HEMK1: variants seen among roughly 807,000 people sequenced by gnomAD.
HEMK1 encodes the protein MTRF1L release factor glutamine methyltransferase.
Under a neutral mutation model 47.9 loss-of-function variants are expected in HEMK1, and 36 were observed. The observed-to-expected ratio is 0.75, with a 90% CI of 0.58 to 0.99. HEMK1 has a LOEUF of 0.99. HEMK1 is among the 50% of genes least tolerant of loss of function. HEMK1 has a pLI of 0.00. For synonymous variants in HEMK1, 153 were observed against 165.4 expected (o/e 0.93, Z 0.57); for missense variants, 383 against 434.5 (o/e 0.88, Z 1.05).
In HEMK1 at chr3:50,592,390, C is replaced by A. The variant is rs1388976350; in HGVS notation, c.*11973C>A. 16 of 152,198 alleles carry A rather than the reference C, an allele frequency of 1.1e-4. No individual in the cohort carries two copies. The highest frequency in any genetic ancestry group is 1.0e-3 in the Admixed American group (16 of 15,288). 9.4% of individuals were successfully genotyped at this position (152,198 alleles called of 1,614,324 possible). On this transcript the variant is annotated 3_prime_UTR_variant, in exon 11 of 11. Coordinates refer to ENST00000232854, the MANE Select transcript of HEMK1 (RefSeq NM_016173.5). ...AACCCCAGGATTTCCAATACCGGTG[C>A]TTTGCTTAGCTGTACTGGGCACCTG...
intron 2 of HEMK1, 135 bp from the exon 3 acceptor site, chr3:50,571,575 C>A: frequency 1.2e-6 from 1 of 856,980 alleles, no homozygotes; most frequent in Non-Finnish European, 2.0e-6. Context: ...AGGCAGGATG[C>A]TGCCCCCTCT....
At chr3:50,577,436 TCCCCCAGG>T (rs1701704923) in intron 5 of HEMK1, 65 bp from the exon 6 acceptor site, 16 of 1,445,512 alleles carry the variant, frequency 1.1e-5, no homozygotes, top group Non-Finnish European at 1.6e-5. Context: ...TGGAGGAGGG[TCCCCCAGG>T]CCCAGTATCT....
In HEMK1 at chr3:50,594,842, C is replaced by G. The variant is rs750407920; in HGVS notation, c.*14425C>G. The G allele has an allele frequency of 1.3e-5, 2 of 152,132 alleles. No homozygotes were observed. The highest frequency in any genetic ancestry group is 2.4e-5 in the African/African-American group (1 of 41,442). The allele number at this position is 152,132 out of a possible 1,614,324, so 9.4% of individuals were successfully genotyped here. ...ACCTCCTTTGGCTTCCTTTCCTTCC[C>G]TGTCTCACCCCCTCTCCCATTTTAT... On this transcript the variant is annotated 3_prime_UTR_variant, in exon 11 of 11. Coordinates refer to ENST00000232854, the MANE Select transcript of HEMK1 (RefSeq NM_016173.5).
chr3:50,593,733 C>G lies in HEMK1; in HGVS notation c.*13316C>G, dbSNP rs2031834816. Reference sequence around the variant, plus strand: ...AAAATAATGACAATGACAAATTTGTCTTTTCCTTTCTTTCTTTTTTTTTTT... The same window carrying G: ...AAAATAATGACAATGACAAATTTGTGTTTTCCTTTCTTTCTTTTTTTTTTT... On this transcript the variant is annotated 3_prime_UTR_variant, in exon 11 of 11. Coordinates refer to ENST00000232854, the MANE Select transcript of HEMK1 (RefSeq NM_016173.5). 7.5e-6 allele frequency: 1 copy of G among 133,920 alleles called. No homozygotes were observed. Among genetic ancestry groups the G allele is most frequent in the Admixed American group, 7.8e-5 (1 of 12,802 alleles). The allele number at this position is 133,920 out of a possible 1,614,324, so 8.3% of individuals were successfully genotyped here. A position where few individuals can be genotyped will look rare whatever the true frequency, so the allele number is the denominator to read the frequency against.
At position 50,580,267 on chromosome 3, in the gene HEMK1, G is replaced by A. The variant is rs1332331661; in HGVS notation, c.980+38G>A. 4 of 1,606,434 alleles carry A rather than the reference G, an allele frequency of 2.5e-6. No individual in the cohort carries two copies. In the Admixed American group the frequency reaches 5.0e-5, roughly 20 times the overall value. Reference sequence around the variant, plus strand: ...CCCCCTTTAGCCCTGTAGCATGCTGGTCTTTCCACTGGGGCCATCCTCAGC... The same window carrying A: ...CCCCCTTTAGCCCTGTAGCATGCTGATCTTTCCACTGGGGCCATCCTCAGC... On this transcript the variant is annotated intron_variant, in intron 10 of 10. Coordinates refer to ENST00000232854, the MANE Select transcript of HEMK1 (RefSeq NM_016173.5).
At chr3:50,574,789 C>T (rs1212620795) in intron 4 of HEMK1, among the ~76,000 whole-genome samples, 2 of 152,204 alleles carry the variant, frequency 1.3e-5, no homozygotes, top group African/African-American at 4.8e-5. Context: ...AGTGAATACA[C>T]ACTCTCTCCT....
rs2030677967 is a variant in HEMK1 at position 50,580,638 on chromosome 3, C to T, written c.*221C>T. On this transcript the variant is annotated 3_prime_UTR_variant, in exon 11 of 11. Coordinates refer to ENST00000232854, the MANE Select transcript of HEMK1 (RefSeq NM_016173.5). ...GTTGGTGAAATTGCTGTGGGGGTAT[C>T]GGGGGATATGGCCAGTAAAGTATTG... 5.0e-6 allele frequency: 3 copies of T among 595,180 alleles called. No individual in the cohort carries two copies. Among genetic ancestry groups the T allele is most frequent in the South Asian group, 2.0e-5 (1 of 49,474 alleles). The allele number at this position is 595,180 out of a possible 1,614,324, so 36.9% of individuals were successfully genotyped here.
At position 50,571,197 on chromosome 3, in the gene HEMK1, C is replaced by G. The variant is rs778973921; in HGVS notation, c.93C>G (p.Pro31=). 2 of 1,613,856 alleles carry G rather than the reference C, an allele frequency of 1.2e-6. No individual in the cohort carries two copies. The highest frequency in any genetic ancestry group is 2.2e-5 in the South Asian group (2 of 91,038). Residue 31 remains proline (P), a synonymous_variant, in exon 2 of 11, where the codon CCC becomes CCG. Transcript: ENST00000232854. The part of the protein sequence containing the change: ...TRGWAFSSWQ[P]QPPLAGLSSA... ...GCTGGGCCTTCAGCTCATGGCAACC[C>G]CAACCACCTCTGGCTGGGTTATCCA...
In HEMK1 at chr3:50,571,160, G is replaced by A. The variant is rs775852273; in HGVS notation, c.56G>A (p.Gly19Glu). 3.1e-6 allele frequency: 5 copies of A among 1,613,426 alleles called. No individual in the cohort carries two copies. Among genetic ancestry groups the A allele is most frequent in the Middle Eastern group, 1.7e-4 (1 of 6,032 alleles). The change falls in exon 2 of 11, where the codon GGA becomes GAA. Residue 19 changes from glycine to glutamate, a missense_variant. Coordinates refer to ENST00000232854, the MANE Select transcript of HEMK1 (RefSeq NM_016173.5). ...WALLSGPGRR[G>E]STRGWAFSSW... The stretch of plus-strand genomic sequence containing the variant: ...CTCCTGTCTGGCCCAGGGAGGAGGG[G>A]AAGTACCCGGGGCTGGGCCTTCAGC...
rs1433719556 is a variant in HEMK1, at chr3:50,588,320, C to T, written c.*7903C>T. Reference sequence around the variant, plus strand: ...TATGGATGAAGGGACTGAGGCTTAACATGCCCAAGGTCACACAGCCAGCAG... The same window carrying T: ...TATGGATGAAGGGACTGAGGCTTAATATGCCCAAGGTCACACAGCCAGCAG... On this transcript the variant is annotated 3_prime_UTR_variant, in exon 11 of 11. Transcript: ENST00000232854. 1.3e-5 allele frequency: 2 copies of T among 152,248 alleles called. No homozygotes were observed. The highest frequency in any genetic ancestry group is 2.9e-5 in the Non-Finnish European group (2 of 68,056). 9.4% of individuals were successfully genotyped at this position (152,248 alleles called of 1,614,324 possible). A position where few individuals can be genotyped will look rare whatever the true frequency, so the allele number is the denominator to read the frequency against.
chr3:50,579,356 A>T (rs1361860367), intron 8 of HEMK1, among the ~76,000 whole-genome samples: 1 of 152,120 alleles, frequency 6.6e-6, no homozygotes, highest in Non-Finnish European at 1.5e-5. Flanking sequence ...GAAAGCCGGG[A>T]CTAAAAGCTG....
In HEMK1 at chr3:50,570,977, A is replaced by G. The variant is rs1005174148; in HGVS notation, c.-128A>G. The G allele has an allele frequency of 6.2e-6, 4 of 645,736 alleles. No individual in the cohort carries two copies. In the East Asian group the frequency reaches 1.2e-4, roughly 19 times the overall value. 40.0% of individuals were successfully genotyped at this position (645,736 alleles called of 1,614,324 possible). On this transcript the variant is annotated 5_prime_UTR_variant, in exon 2 of 11. Coordinates refer to ENST00000232854, the MANE Select transcript of HEMK1 (RefSeq NM_016173.5). The stretch of plus-strand genomic sequence containing the variant: ...AGGACCAGAGCCATTTTGGGGCACC[A>G]GAGCTTGTGACCTCTCCATCTCCAC...
rs962441998 is a variant in HEMK1, at chr3:50,586,046, G to A, written c.*5629G>A. 5.3e-5 allele frequency: 8 copies of A among 152,232 alleles called. No individual in the cohort carries two copies. Among genetic ancestry groups the A allele is most frequent in the Non-Finnish European group, 8.8e-5 (6 of 68,054 alleles). The allele number at this position is 152,232 out of a possible 1,614,324, so 9.4% of individuals were successfully genotyped here. On this transcript the variant is annotated 3_prime_UTR_variant, in exon 11 of 11. Coordinates refer to ENST00000232854, the MANE Select transcript of HEMK1 (RefSeq NM_016173.5). The stretch of plus-strand genomic sequence containing the variant: ...GGCCAACTGTAGCCCTGGGTGTGCA[G>A]ACAGATCTGAGTCCCATCTGAAGCT...
At position 50,580,850 on chromosome 3, in the gene HEMK1, T is replaced by TTTTAA; in HGVS notation, c.*433_*434insTTTAA. On this transcript the variant is annotated 3_prime_UTR_variant, in exon 11 of 11. Transcript: ENST00000232854. ...GCACGTGAGTCCTCACTCCTGGCCTTGGATACCATGGGTCCTGGCATAGAG... is the reference window on the plus strand; with the variant it reads ...GCACGTGAGTCCTCACTCCTGGCCTTTTTAAGGATACCATGGGTCCTGGCATAGAG... 2 of 224,584 alleles carry TTTTAA rather than the reference T, an allele frequency of 8.9e-6. No homozygotes were observed. Among genetic ancestry groups the TTTTAA allele is most frequent in the Non-Finnish European group, 1.8e-5 (2 of 112,458 alleles). The allele number at this position is 224,584 out of a possible 1,614,324, so 13.9% of individuals were successfully genotyped here.
rs930047522 is a variant in HEMK1, at chr3:50,574,331, T to C, written c.414+2123T>C. Among the ~76,000 whole-genome samples the C allele has an allele frequency of 2.6e-5, 4 of 152,202 alleles. No homozygotes were observed. In the South Asian group the frequency reaches 8.3e-4, roughly 32 times the overall value. Reference sequence around the variant, plus strand: ...GAAAGTTTCTGGACTCCTTGGGCTGTTATCTACCCCTGCCCCAGGTGGCTC... The same window carrying C: ...GAAAGTTTCTGGACTCCTTGGGCTGCTATCTACCCCTGCCCCAGGTGGCTC... On this transcript the variant is annotated intron_variant, in intron 4 of 10. Coordinates refer to ENST00000232854, the MANE Select transcript of HEMK1 (RefSeq NM_016173.5).
rs955503326 is a variant in HEMK1, at chr3:50,593,936, A to G, written c.*13519A>G. On this transcript the variant is annotated 3_prime_UTR_variant, in exon 11 of 11. Transcript: ENST00000232854. ...GAGACGGGGTTTTGCCATGTTGGCCAGGCTGGTCTCGAACTCCTGACCTCA... is the reference window on the plus strand; with the variant it reads ...GAGACGGGGTTTTGCCATGTTGGCCGGGCTGGTCTCGAACTCCTGACCTCA... 2.6e-5 allele frequency: 4 copies of G among 152,010 alleles called. No individual in the cohort carries two copies. The highest frequency in any genetic ancestry group is 9.7e-5 in the African/African-American group (4 of 41,386). The allele number at this position is 152,010 out of a possible 1,614,324, so 9.4% of individuals were successfully genotyped here.
intron 1 of HEMK1, chr3:50,570,008 T>A (rs1421066672): frequency 6.6e-6 from 1 of 152,060 alleles, no homozygotes; most frequent in Non-Finnish European, 1.5e-5. Context: ...GCCCGGCCAA[T>A]TTTTTGTATT....
Position 50,586,693 on chromosome 3 carries a change from AG to A in HEMK1, c.*6278del, listed in dbSNP as rs1383783276. The A allele has an allele frequency of 6.6e-6, 1 of 152,122 alleles. No homozygotes were observed. The highest frequency in any genetic ancestry group is 2.4e-5 in the African/African-American group (1 of 41,402). The allele number at this position is 152,122 out of a possible 1,614,324, so 9.4% of individuals were successfully genotyped here. ...CACAGAGATCCCTGTGGTACAGATGAGGAAACTGAGGCTTAGCAGGACAGGA... is the reference window on the plus strand; with the variant it reads ...CACAGAGATCCCTGTGGTACAGATGAGAAACTGAGGCTTAGCAGGACAGGA... On this transcript the variant is annotated 3_prime_UTR_variant, in exon 11 of 11. Transcript: ENST00000232854.
At chr3:50,571,675 A>G (rs758596994) in intron 2 of HEMK1, 35 bp from the exon 3 acceptor site, 19 of 1,603,732 alleles carry the variant, frequency 1.2e-5, no homozygotes, top group Non-Finnish European at 1.5e-5. Context: ...CCTTGGGCCC[A>G]GTGAGCCAGC....
Sources: gnomAD v4.1 joint callset for allele counts (sites outside exome capture counted in the v4.1 genomes callset) on GRCh38, gnomAD v4.1.1 for gene constraint, MANE v1.5 for transcripts, NCBI Gene and HGNC (gene_info 2026-07-23, HGNC 2026-07-21) for gene names.